Variants in TULP4 observed in about 807,000 individuals in gnomAD.
TULP4 encodes tubby-related protein 4.
A neutral mutation model predicts 129.0 loss-of-function variants in TULP4; 16 were observed. That is an observed-to-expected ratio of 0.12 (90% CI 0.08 to 0.19). The LOEUF is 0.19. TULP4 is among the 10% of genes least tolerant of loss of function. The pLI, the probability that TULP4 is intolerant of heterozygous loss-of-function variation, is 1.00. For synonymous variants in TULP4, 998 were observed against 854.0 expected (o/e 1.17, Z -2.94); for missense variants, 1,842 against 2,059.1 (o/e 0.89, Z 2.04).
At chr6:158,404,362 C>T (rs1474720386) in intron 1 of TULP4, among the ~76,000 whole-genome samples, 1 of 152,100 alleles carries the variant, frequency 6.6e-6, no homozygotes, top group Non-Finnish European at 1.5e-5. Flanking sequence ...CATGGAGATG[C>T]TTGGAAGATG....
rs182710215 is a variant in TULP4, at chr6:158,487,604, C to T, written c.1487-1984C>T. Among the ~76,000 whole-genome samples, 273 of 152,366 alleles carry T rather than the reference C, an allele frequency of 1.8e-3. 1 individual carries two copies. The highest frequency in any genetic ancestry group is 2.7e-3 in the Non-Finnish European group (181 of 68,036). On this transcript the variant is annotated intron_variant, in intron 8 of 13. Transcript: ENST00000367097. The stretch of plus-strand genomic sequence containing the variant: ...CTACGACTTAGATGTTTTTCCAGAA[C>T]AGCCATGATAAATTGATGACACAGA...
chr6:158,427,574 A>G (rs1030714927), intron 2 of TULP4, among the ~76,000 whole-genome samples: 1 of 137,882 alleles, frequency 7.3e-6, no homozygotes, highest in African/African-American at 2.8e-5. Flanking sequence ...TCTCACTGCA[A>G]CCTCCACCTC....
At chr6:158,394,600 GGTGAAACCCTGTCTCTA>G (rs1777661218) in intron 1 of TULP4, among the ~76,000 whole-genome samples, 1 of 151,766 alleles carries the variant, frequency 6.6e-6, no homozygotes, top group South Asian at 2.1e-4. Flanking sequence ...TGGCTAACAT[GGTGAAACCCTGTCTCTA>G]CTAAAAATAC....
intron 1 of TULP4, among the ~76,000 whole-genome samples, chr6:158,356,876 A>G (rs1243827390): frequency 6.6e-6 from 1 of 151,424 alleles, no homozygotes; most frequent in Non-Finnish European, 1.5e-5. Flanking sequence ...ATGAGTGAGT[A>G]GAGGGGTTGC....
At chr6:158,267,594 A>G (rs1472183847) in intron 1 of TULP4, among the ~76,000 whole-genome samples, 1 of 152,228 alleles carries the variant, frequency 6.6e-6, no homozygotes, top group Non-Finnish European at 1.5e-5. Flanking sequence ...GCCATCTCAT[A>G]GTAAATCTTC....
chr6:158,489,071 C>T (rs926949806), intron 8 of TULP4, among the ~76,000 whole-genome samples: 5 of 152,204 alleles, frequency 3.3e-5, no homozygotes, highest in Non-Finnish European at 5.9e-5. Context: ...AGGCCCCCGC[C>T]GCAAGACCTG....
chr6:158,477,206 A>G (rs755320972), intron 6 of TULP4, among the ~76,000 whole-genome samples: 99 of 152,308 alleles, frequency 6.5e-4, no homozygotes, highest in Middle Eastern at 6.8e-3. Flanking sequence ...CAAAGATATA[A>G]GAGACACATA....
Position 158,490,431 on chromosome 6 carries a change from C to T in TULP4, c.1631+699C>T, listed in dbSNP as rs577061096. On this transcript the variant is annotated intron_variant, in intron 9 of 13. Coordinates refer to ENST00000367097, the MANE Select transcript of TULP4 (RefSeq NM_020245.5). The stretch of plus-strand genomic sequence containing the variant: ...AATAATAAATAAATGCCTGTAATGC[C>T]GTAATTGGGAAACATCAACACATCG... Among the ~76,000 whole-genome samples, 20 of 152,234 alleles carry T rather than the reference C, an allele frequency of 1.3e-4. No individual in the cohort carries two copies. The South Asian group carries it at 3.3e-3, about 25-fold the overall frequency.
At chr6:158,309,294 G>A (rs551593100), upstream of TULP4, among the ~76,000 whole-genome samples, 73 of 142,792 alleles carry the variant, frequency 5.1e-4, no homozygotes, top group Middle Eastern at 3.5e-3. Flanking sequence ...TCCCAGACGG[G>A]GCGGCGGGGC....
intron 1 of TULP4, among the ~76,000 whole-genome samples, chr6:158,290,370 A>G (rs764701162): frequency 6.6e-6 from 1 of 152,176 alleles, no homozygotes; most frequent in Non-Finnish European, 1.5e-5. Context: ...TTTTCAAATC[A>G]GAATGTCTTT....
chr6:158,243,847 GGTGTGT>G (rs57298904), intron 1 of TULP4, among the ~76,000 whole-genome samples: 26,060 of 143,482 alleles, frequency 0.18, 2,567 homozygotes, highest in Middle Eastern at 0.25. Flanking sequence ...AGCTGAAATA[GGTGTGT>G]GTGTGTGTGT....
intron 2 of TULP4, among the ~76,000 whole-genome samples, chr6:158,416,136 C>T (rs536415267): frequency 6.6e-6 from 1 of 152,322 alleles, no homozygotes; most frequent in East Asian, 1.9e-4. Flanking sequence ...GTCATTCTTC[C>T]ATCTTCTCCT....
upstream of TULP4, among the ~76,000 whole-genome samples, chr6:158,279,075 G>T (rs1478867333): frequency 2.1e-5 from 1 of 47,170 alleles, no homozygotes; most frequent in Non-Finnish European, 3.6e-5. Context: ...GAGTAGCTGG[G>T]ACTAGGCGCC....
chr6:158,237,558 C>T, intron 1 of TULP4: 1 of 1,551,124 alleles, frequency 6.4e-7, no homozygotes, highest in Non-Finnish European at 8.9e-7. Flanking sequence ...TCCCTTTTCC[C>T]ATCTGATCCT....
upstream of TULP4, chr6:158,310,236 A>C (rs1779319555): frequency 6.5e-6 from 1 of 152,820 alleles, no homozygotes; most frequent in African/African-American, 2.4e-5. Flanking sequence ...CAGGAAGCTT[A>C]CAAACATGGC....
At chr6:158,395,612 C>T (rs1777693113) in intron 1 of TULP4, among the ~76,000 whole-genome samples, 1 of 130,170 alleles carries the variant, frequency 7.7e-6, no homozygotes, top group Non-Finnish European at 1.6e-5. Context: ...ACCTGATTGG[C>T]TGGCCTGAGT....
chr6:158,274,473 T>C (rs1009235070), intron 1 of TULP4, among the ~76,000 whole-genome samples: 2 of 151,750 alleles, frequency 1.3e-5, no homozygotes, highest in African/African-American at 4.8e-5. Flanking sequence ...ACCAGAACAT[T>C]TCATTTAAAC....
intron 5 of TULP4, among the ~76,000 whole-genome samples, chr6:158,459,857 G>A (rs1159064530): frequency 2.0e-5 from 3 of 152,064 alleles, no homozygotes; most frequent in South Asian, 2.1e-4. Context: ...TCCAGAGAAC[G>A]TCATCTCAGT....
Position 158,493,018 on chromosome 6 carries a change from A to C in TULP4, c.1632-555A>C, listed in dbSNP as rs1217615490. 6.6e-6 allele frequency among the ~76,000 whole-genome samples: 1 copy of C among 152,256 alleles called. No homozygotes were observed. The highest frequency in any genetic ancestry group is 1.5e-5 in the Non-Finnish European group (1 of 68,040). ...AGAAGAAATTATAAGAATCACTGGC[A>C]TTAGGGTAAGAAATGACTTGTTCCA... On this transcript the variant is annotated intron_variant, in intron 9 of 13. Transcript: ENST00000367097. This position sits in a 1 kb window ranked among gnomAD's most constrained non-coding sequence, Gnocchi z 4.4.
Sources: gnomAD v4.1 joint callset for allele counts (sites outside exome capture counted in the v4.1 genomes callset) on GRCh38, gnomAD v4.1.1 for gene constraint, Gnocchi (gnomAD v3.1) non-coding constraint, MANE v1.5 for transcripts, NCBI Gene and HGNC (gene_info 2026-07-23, HGNC 2026-07-21) for gene names.